ASH1L: variants seen among roughly 807,000 people sequenced by gnomAD.
The protein encoded by ASH1L is histone-lysine N-methyltransferase ASH1L.
A neutral mutation model predicts 269.0 loss-of-function variants in ASH1L; 23 were observed. The ratio of observed to expected loss-of-function variants is 0.09; its 90% confidence interval spans 0.06 to 0.12. The LOEUF is 0.12. ASH1L is among the 10% of genes least tolerant of loss of function. The pLI, the probability that ASH1L is intolerant of heterozygous loss-of-function variation, is 1.00. For missense variants in ASH1L, 2,912 were observed against 3,567.8 expected, an observed-to-expected ratio of 0.82 and a Z score of 4.68; for synonymous variants, 1,187 against 1,253.5, an observed-to-expected ratio of 0.95 and a Z score of 1.12.
chr1:155,370,390 G>C, intron 12 of ASH1L, 114 bp downstream of exon 12: 1 of 1,383,416 alleles, frequency 7.2e-7, no homozygotes, highest in South Asian at 1.3e-5. Context: ...GGGGTAATGG[G>C]GAACAGCCTG....
Position 155,562,543 on chromosome 1 carries a change from C to T in ASH1L, c.-490G>A, listed in dbSNP as rs1167053962. 8 of 1,526,862 alleles carry T rather than the reference C, an allele frequency of 5.2e-6. No individual in the cohort carries two copies. The South Asian group carries it at 8.4e-5, about 16-fold the overall frequency. The allele number at this position is 1,526,862 out of a possible 1,614,324, so 94.6% of individuals were successfully genotyped here. On this transcript the variant is annotated 5_prime_UTR_variant, in exon 1 of 28. Transcript: ENST00000392403. The stretch of plus-strand genomic sequence containing the variant: ...TCAACCTTCCACTCCTTCCTCCTTG[C>T]GTTCTTTCCCACCGTCCCCCGCTCC...
chr1:155,533,221 A>G (rs564725882), intron 1 of ASH1L, among the ~76,000 whole-genome samples: 5 of 152,062 alleles, frequency 3.3e-5, no homozygotes, highest in Admixed American at 2.6e-4. Flanking sequence ...GTAATAAAAT[A>G]CTTACTGAGT....
At chr1:155,432,350 C>G (rs1281813378) in intron 5 of ASH1L, among the ~76,000 whole-genome samples, 1 of 152,126 alleles carries the variant, frequency 6.6e-6, no homozygotes, top group East Asian at 1.9e-4. Flanking sequence ...TCTTATAACT[C>G]TAAGTAACTC....
At chr1:155,441,391 C>T (rs61403978) in intron 4 of ASH1L, among the ~76,000 whole-genome samples, 7,631 of 142,522 alleles carry the variant, frequency 0.054, 665 homozygotes, top group African/African-American at 0.19. Context: ...TACTGGCCAA[C>T]AGATCCTGCT....
chr1:155,425,835 C>G (rs995801305), intron 5 of ASH1L, among the ~76,000 whole-genome samples: 5 of 151,954 alleles, frequency 3.3e-5, no homozygotes. Flanking sequence ...ACCTCAGCCT[C>G]CCAAAGTACC....
chr1:155,479,440 T>C lies in ASH1L; in HGVS notation c.3430A>G (p.Ser1144Gly). 6.2e-7 allele frequency: 1 copy of C among 1,614,210 alleles called. No individual in the cohort carries two copies. Among genetic ancestry groups the C allele is most frequent in the Non-Finnish European group, 8.5e-7 (1 of 1,180,034 alleles). Residue 1144 changes from serine (S) to glycine (G), a missense_variant, in exon 3 of 28, where the codon AGT becomes GGT. This residue lies in a region of ASH1L where 157 missense variants were observed against 154.6 expected (regional missense o/e 1.02). Transcript: ENST00000392403. Reference sequence around the variant, plus strand: ...TTCATTGCAAGAGTCTGAATCATACTGCCCTGTCTGGAGTGTAAATGCAAA... The same window carrying C: ...TTCATTGCAAGAGTCTGAATCATACCGCCCTGTCTGGAGTGTAAATGCAAA... The part of the protein sequence containing the change: ...PYLHLHSRQG[S>G]MIQTLAMKKA...
At chr1:155,500,117 T>C (rs1667409948) in intron 2 of ASH1L, among the ~76,000 whole-genome samples, 1 of 152,232 alleles carries the variant, frequency 6.6e-6, no homozygotes, top group African/African-American at 2.4e-5. Context: ...TGGCAGGGAT[T>C]TGCTTTGCCC....
Position 155,343,691 on chromosome 1 carries a change from G to T in ASH1L, c.8033C>A (p.Pro2678Gln), listed in dbSNP as rs771735288. 3.1e-6 allele frequency: 5 copies of T among 1,614,124 alleles called. No homozygotes were observed. In the South Asian group the frequency reaches 4.4e-5, roughly 14 times the overall value. Residue 2678 changes from proline to glutamine, a missense_variant, in exon 23 of 28, where the codon CCG becomes CAG. Pro to Gln is a moderately conservative substitution (Grantham distance 76). This residue lies in a region of ASH1L where 179 missense variants were observed against 293.8 expected (regional missense o/e 0.61). Coordinates refer to ENST00000392403, the MANE Select transcript of ASH1L (RefSeq NM_018489.3). The surrounding 1 kb of genome is among the most constrained non-coding windows in gnomAD (Gnocchi z 6.1). ...RDSRRTPDGH[P>Q]VRQSYRLLSH... ...TAACAGTCGATAGGACTGACGGACC[G>T]GGTGGCCATCAGGGGTGCGCCGACT...
chr1:155,380,875 G>A (rs1212557153), intron 7 of ASH1L, among the ~76,000 whole-genome samples: 2 of 151,508 alleles, frequency 1.3e-5, no homozygotes, highest in African/African-American at 4.8e-5. Context: ...CCTGACCTAA[G>A]GTGGTCCACC....
Position 155,562,511 on chromosome 1 carries a change from G to C in ASH1L, c.-458C>G, listed in dbSNP as rs749676719. The C allele has an allele frequency of 1.1e-4, 158 of 1,504,084 alleles. No homozygotes were observed. The highest frequency in any genetic ancestry group is 1.4e-4 in the Non-Finnish European group (154 of 1,116,768). 93.2% of individuals were successfully genotyped at this position (1,504,084 alleles called of 1,614,324 possible). A position where few individuals can be genotyped will look rare whatever the true frequency, so the allele number is the denominator to read the frequency against. The stretch of plus-strand genomic sequence containing the variant: ...AGGGAGGGAGCGAAGGGCGCCTAGC[G>C]CCCCCCTCAACCTTCCACTCCTTCC... On this transcript the variant is annotated 5_prime_UTR_variant, in exon 1 of 28. Transcript: ENST00000392403.
intron 10 of ASH1L, among the ~76,000 whole-genome samples, chr1:155,373,981 A>C (rs1412823081): frequency 1.3e-5 from 2 of 152,178 alleles, no homozygotes; most frequent in Admixed American, 1.3e-4. Context: ...AGCATGACTA[A>C]AACAAGGAAT....
intron 1 of ASH1L, among the ~76,000 whole-genome samples, chr1:155,529,565 T>C (rs1669518310): frequency 1.3e-5 from 2 of 152,148 alleles, no homozygotes; most frequent in Non-Finnish European, 2.9e-5. Flanking sequence ...TTAAGTTCCT[T>C]ACAGATGCTG....
At chr1:155,422,787 C>G (rs1270322562) in intron 5 of ASH1L, among the ~76,000 whole-genome samples, 4 of 151,126 alleles carry the variant, frequency 2.6e-5, no homozygotes, top group Non-Finnish European at 4.4e-5. Flanking sequence ...AGAGCTGAGA[C>G]TACAGGCACC....
intron 12 of ASH1L, 25 bp downstream of exon 12, chr1:155,370,479 T>C (rs373646784): frequency 6.2e-7 from 1 of 1,612,638 alleles, no homozygotes; most frequent in Non-Finnish European, 8.5e-7. Flanking sequence ...TGGATTCTTG[T>C]CTTCACCTTC....
chr1:155,341,936 C>T lies in ASH1L; in HGVS notation c.8460G>A (p.Ser2820=). The T allele has an allele frequency of 6.2e-7, 1 of 1,613,732 alleles. No individual in the cohort carries two copies. The change falls in exon 25 of 28, where the codon TCG becomes TCA. Residue 2820 remains serine, a splice_region_variant and synonymous_variant. Transcript: ENST00000392403. ...GTGTTAAGAAAGGAAGGAGACTCAC[C>T]GAGAAATCTTTTTTGGGAGTGAGCT... The part of the protein sequence containing the change: ...PKKLTPKKDF[S]PHYVPDNYKR...
intron 17 of ASH1L, among the ~76,000 whole-genome samples, chr1:155,351,799 C>T (rs907690662): frequency 9.3e-5 from 14 of 150,760 alleles, no homozygotes; most frequent in East Asian, 5.8e-4. Context: ...TGCAGTGAGC[C>T]GAGATCATGC....
At chr1:155,404,084 T>G (rs1156729258) in intron 6 of ASH1L, among the ~76,000 whole-genome samples, 1 of 147,430 alleles carries the variant, frequency 6.8e-6, no homozygotes, top group African/African-American at 2.5e-5. Flanking sequence ...GGAAGCAACC[T>G]GGGCACGGTG....
At chr1:155,421,691 A>T (rs1465653190) in intron 5 of ASH1L, among the ~76,000 whole-genome samples, 2 of 151,982 alleles carry the variant, frequency 1.3e-5, no homozygotes, top group Non-Finnish European at 1.5e-5. Context: ...ACTAAAAAAA[A>T]ATTGGAGGAT....
chr1:155,418,006 G>A (rs1443186347), intron 5 of ASH1L, among the ~76,000 whole-genome samples: 1 of 149,624 alleles, frequency 6.7e-6, no homozygotes, highest in Non-Finnish European at 1.5e-5. Flanking sequence ...AACAATATGA[G>A]AATCCAAACT....
Sources: gnomAD v4.1 joint callset for allele counts (sites outside exome capture counted in the v4.1 genomes callset) on GRCh38, gnomAD v4.1.1 for gene constraint, gnomAD v4.1.1 regional missense constraint, Gnocchi (gnomAD v3.1) non-coding constraint, MANE v1.5 for transcripts, NCBI Gene and HGNC (gene_info 2026-07-23, HGNC 2026-07-21) for gene names.